The following PCDH15 variants were observed in gnomAD, a reference collection of about 807,000 sequenced individuals.
PCDH15 encodes the protein protocadherin related 15.
In PCDH15, 129 loss-of-function variants were observed where a neutral mutation model predicts 178.5. That is an observed-to-expected ratio of 0.72 (90% CI 0.63 to 0.84). The LOEUF (loss-of-function observed/expected upper bound fraction) is 0.84, where lower values mean the gene tolerates loss of function less well. Ranked by LOEUF, PCDH15 falls within the 40% of genes least tolerant of loss-of-function variation. The pLI is 0.00. For synonymous variants in PCDH15, 800 were observed against 732.0 expected (o/e 1.09, Z -1.50); for missense variants, 2,230 against 2,099.9 (o/e 1.06, Z -1.21).
intron 13 of PCDH15, among the ~76,000 whole-genome samples, chr10:54,167,877 T>G (rs909289687): frequency 9.1e-6 from 1 of 110,304 alleles, no homozygotes; most frequent in African/African-American, 3.6e-5. Context: ...GCCCCATCCC[T>G]TATTTCTGTG....
intron 15 of PCDH15, among the ~76,000 whole-genome samples, chr10:54,124,273 T>C (rs547427965): frequency 2.0e-4 from 30 of 152,242 alleles, no homozygotes; most frequent in African/African-American, 7.0e-4. Context: ...TTATATAAGG[T>C]AGCTATAACA....
At chr10:54,058,820 G>T (rs761826041) in intron 18 of PCDH15, among the ~76,000 whole-genome samples, 2 of 151,660 alleles carry the variant, frequency 1.3e-5, no homozygotes, top group African/African-American at 2.4e-5. Flanking sequence ...CAGCCTTCCT[G>T]GGTAGCTGGG....
intron 3 of PCDH15, among the ~76,000 whole-genome samples, chr10:54,883,757 T>C (rs1053163891): frequency 6.6e-6 from 1 of 151,758 alleles, no homozygotes; most frequent in Non-Finnish European, 1.5e-5. Context: ...AACAAACATA[T>C]CACTTTCAGA....
intron 15 of PCDH15, among the ~76,000 whole-genome samples, chr10:54,124,343 T>C (rs1269151165): frequency 6.6e-6 from 1 of 152,030 alleles, no homozygotes; most frequent in Non-Finnish European, 1.5e-5. Context: ...GGCTGGTGTT[T>C]GGGGAGTTAG....
At chr10:55,306,518 C>T (rs1019906960) in intron 1 of PCDH15, among the ~76,000 whole-genome samples, 2 of 152,038 alleles carry the variant, frequency 1.3e-5, no homozygotes, top group Non-Finnish European at 2.9e-5. Flanking sequence ...ATTGAGACAA[C>T]GGCAGTAAAA....
At chr10:53,862,365 G>A (rs2079160371) in intron 27 of PCDH15, among the ~76,000 whole-genome samples, 1 of 151,788 alleles carries the variant, frequency 6.6e-6, no homozygotes. Flanking sequence ...ACTTTGAATT[G>A]ATTTTTTACA....
intron 1 of PCDH15, among the ~76,000 whole-genome samples, chr10:55,228,795 T>G (rs1455491667): frequency 6.6e-6 from 1 of 151,952 alleles, no homozygotes; most frequent in African/African-American, 2.4e-5. Context: ...ATTTTAAACC[T>G]CTCCTGATCT....
At chr10:53,980,074 A>T (rs1762678621) in intron 21 of PCDH15, among the ~76,000 whole-genome samples, 1 of 151,370 alleles carries the variant, frequency 6.6e-6, no homozygotes, top group South Asian at 2.1e-4. Context: ...CAAAAAAATT[A>T]GTCTGGCATC....
chr10:53,823,853 G>T, intron 32 of PCDH15: 1 of 448,482 alleles, frequency 2.2e-6, no homozygotes, highest in East Asian at 7.0e-5. Flanking sequence ...GGAATATCCT[G>T]TTCTCCAAAT....
At chr10:54,722,675 G>A (rs761757953) in intron 1 of PCDH15, among the ~76,000 whole-genome samples, 4 of 151,278 alleles carry the variant, frequency 2.6e-5, no homozygotes, top group Non-Finnish European at 5.9e-5. Context: ...CTCTCCACTT[G>A]ATAAATGACT....
chr10:53,916,450 C>T (rs923698406), intron 25 of PCDH15, among the ~76,000 whole-genome samples: 2 of 152,096 alleles, frequency 1.3e-5, no homozygotes, highest in Admixed American at 1.3e-4. Context: ...GTACTGCCAA[C>T]ATTTTGTTAT....
chr10:53,984,369 C>T (rs1333033932), intron 21 of PCDH15, among the ~76,000 whole-genome samples: 1 of 151,956 alleles, frequency 6.6e-6, no homozygotes, highest in Non-Finnish European at 1.5e-5. Context: ...CCAGGATGGT[C>T]TCGATCTCCT....
chr10:54,766,882 A>G (rs1365803269), intron 1 of PCDH15, among the ~76,000 whole-genome samples: 2 of 152,052 alleles, frequency 1.3e-5, no homozygotes, highest in Non-Finnish European at 2.9e-5. Context: ...GTGAGCCGAG[A>G]TAGCACCACT....
intron 2 of PCDH15, among the ~76,000 whole-genome samples, chr10:55,158,172 G>A (rs74136373): frequency 0.017 from 2,503 of 149,818 alleles, 75 homozygotes; most frequent in African/African-American, 0.056. Context: ...ACACACACAC[G>A]CACACACATT....
At chr10:53,863,291 G>T (rs905420122) in intron 27 of PCDH15, among the ~76,000 whole-genome samples, 2 of 152,068 alleles carry the variant, frequency 1.3e-5, no homozygotes, top group African/African-American at 4.8e-5. Flanking sequence ...ATACTACAAG[G>T]TCAGGAGAAG....
Position 53,823,139 on chromosome 10 carries a change from A to G in PCDH15, c.4368-2909T>C. 6.2e-7 allele frequency: 1 copy of G among 1,613,960 alleles called. No homozygotes were observed. The highest frequency in any genetic ancestry group is 8.5e-7 in the Non-Finnish European group (1 of 1,179,890). On this transcript the variant is annotated intron_variant, in intron 32 of 37. Transcript: ENST00000644397. ...TTGATACTTGACTTATGTTTTCCTT[A>G]TAAAGGGGATTATGGGCACTTAAGT...
intron 2 of PCDH15, among the ~76,000 whole-genome samples, chr10:54,607,661 AAATAT>A (rs1420448991): frequency 6.6e-6 from 1 of 152,102 alleles, no homozygotes; most frequent in African/African-American, 2.4e-5. Flanking sequence ...ATCAGTAAGA[AAATAT>A]AATAGACTAG....
chr10:54,047,276 C>T (rs536304713), intron 18 of PCDH15, among the ~76,000 whole-genome samples: 149 of 151,920 alleles, frequency 9.8e-4, no homozygotes, highest in African/African-American at 3.5e-3. Context: ...ATTATCTTTG[C>T]CTGTCCCATG....
chr10:54,436,131 G>C (rs903056707), intron 3 of PCDH15, among the ~76,000 whole-genome samples: 3 of 146,160 alleles, frequency 2.1e-5, no homozygotes, highest in African/African-American at 7.8e-5. Flanking sequence ...AAGAAAGAAA[G>C]AAAAAGAAAG....
Sources: allele counts gnomAD v4.1 joint callset (sites outside exome capture counted in the v4.1 genomes callset), GRCh38; gene constraint gnomAD v4.1.1; transcripts MANE v1.5; gene names NCBI Gene and HGNC (gene_info 2026-07-23, HGNC 2026-07-21).